TMEM67: variants seen among roughly 807,000 people sequenced by gnomAD.
The protein encoded by TMEM67 is meckelin.
TMEM67 carries 124 observed loss-of-function variants against 136.6 expected under a neutral mutation model. The observed-to-expected ratio is 0.91, with a 90% CI of 0.78 to 1.05. The LOEUF (loss-of-function observed/expected upper bound fraction) is 1.05. Among genes scored for constraint, TMEM67 ranks in the 50% least tolerant of loss-of-function variants. The probability of loss-of-function intolerance (pLI) is 0.00; values close to 1 mark genes in which losing one functional copy is unlikely to be tolerated. For missense variants in TMEM67, 1,107 were observed against 1,178.4 expected, an observed-to-expected ratio of 0.94 and a Z score of 0.89; for synonymous variants, 364 against 390.5, an observed-to-expected ratio of 0.93 and a Z score of 0.80.
chr8:93,821,337 A>AGT (rs1428101071), downstream of TMEM67, among the ~76,000 whole-genome samples: 3 of 152,198 alleles, frequency 2.0e-5, no homozygotes, highest in Non-Finnish European at 4.4e-5. Context: ...GTTTGAGTGC[A>AGT]GTGGCACAAT....
At chr8:93,788,424 G>A (rs1814218193) in intron 14 of TMEM67, among the ~76,000 whole-genome samples, 3 of 152,148 alleles carry the variant, frequency 2.0e-5, no homozygotes, top group South Asian at 2.1e-4. Context: ...TTAGCCAGGC[G>A]TGGTGGCGCA....
intron 6 of TMEM67, among the ~76,000 whole-genome samples, chr8:93,768,294 A>G (rs1360300506): frequency 6.6e-6 from 1 of 151,430 alleles, no homozygotes; most frequent in Non-Finnish European, 1.5e-5. Context: ...ACACACATCT[A>G]TGACTATTTC....
chr8:93,784,698 G>C (rs1814014121), intron 11 of TMEM67, among the ~76,000 whole-genome samples: 1 of 152,182 alleles, frequency 6.6e-6, no homozygotes, highest in Non-Finnish European at 1.5e-5. Context: ...AATCACATTT[G>C]TAATGACAGA....
downstream of TMEM67, among the ~76,000 whole-genome samples, chr8:93,818,545 T>G (rs1017527870): frequency 1.2e-4 from 19 of 152,224 alleles, no homozygotes; most frequent in African/African-American, 3.9e-4. Context: ...GTGTTTTTTT[T>G]GTAAATATTG....
intron 12 of TMEM67, chr8:93,785,692 TC>T: frequency 8.0e-6 from 2 of 249,524 alleles, no homozygotes; most frequent in South Asian, 1.7e-4. Flanking sequence ...CAAATTAGTT[TC>T]TTTTGTTGTT....
At chr8:93,757,359 C>T (rs1189008416) in intron 2 of TMEM67, among the ~76,000 whole-genome samples, 7 of 152,070 alleles carry the variant, frequency 4.6e-5, no homozygotes, top group South Asian at 4.1e-4. Flanking sequence ...TTTACTAGGC[C>T]GGGCGCGGTG....
intron 22 of TMEM67, 25 bp downstream of exon 22, chr8:93,803,709 G>T: frequency 7.8e-7 from 1 of 1,282,648 alleles, no homozygotes; most frequent in African/African-American, 1.5e-5. Flanking sequence ...ACTTCATCTT[G>T]CAACTGTTAC....
intron 11 of TMEM67, among the ~76,000 whole-genome samples, chr8:93,782,844 A>T (rs1230976680): frequency 6.6e-6 from 1 of 151,866 alleles, no homozygotes; most frequent in Non-Finnish European, 1.5e-5. Flanking sequence ...CGAAGTGCTG[A>T]GATTACAGGC....
chr8:93,797,095 T>C (rs765250929), intron 18 of TMEM67, 39 bp from the exon 19 acceptor site: 2 of 1,209,370 alleles, frequency 1.7e-6, no homozygotes, highest in East Asian at 2.3e-5. Flanking sequence ...GACTTAACGC[T>C]GGTACTTTTT....
At chr8:93,809,688 A>G (rs1808618719) in intron 25 of TMEM67, 97 bp from the exon 26 acceptor site, 1 of 734,912 alleles carries the variant, frequency 1.4e-6, no homozygotes, top group East Asian at 2.7e-5. Flanking sequence ...TTTATATACT[A>G]TTCATTTTTC....
Position 93,755,048 on chromosome 8 carries a change from AG to A in TMEM67, c.135del (p.Gln45HisfsTer42). 3 of 1,614,192 alleles carry A rather than the reference AG, an allele frequency of 1.9e-6. No homozygotes were observed. The highest frequency in any genetic ancestry group is 2.5e-6 in the Non-Finnish European group (3 of 1,180,040). ...CAGACCTTCTCTTTCCCTTTCCAGC[AG>A]CCGGAGAAGTGCGACAACAACCAGT... ...QAQTFSFPFQ[Q>X]PEKCDNNQYF... On this transcript the variant is annotated frameshift_variant, in exon 1 of 28. Transcript: ENST00000453321. LOFTEE classifies it high-confidence loss of function.
rs539436464 is a variant in TMEM67, at chr8:93,795,145, A to C, written c.1675-264A>C. 7 of 529,206 alleles carry C rather than the reference A, an allele frequency of 1.3e-5. No individual in the cohort carries two copies. The South Asian group carries it at 1.5e-4, about 12-fold the overall frequency. The allele number at this position is 529,206 out of a possible 1,614,324, so 32.8% of individuals were successfully genotyped here. A position where few individuals can be genotyped will look rare whatever the true frequency, so the allele number is the denominator to read the frequency against. The stretch of plus-strand genomic sequence containing the variant: ...GAGGATTCCCAACTAAGAGAAAATT[A>C]GGAAGCAGTTCAATTTTCTTAGATA... On this transcript the variant is annotated intron_variant, in intron 16 of 27. Transcript: ENST00000453321.
At chr8:93,829,933 C>T in the TMEM67 span, among the ~76,000 whole-genome samples, 6 of 152,118 alleles carry the variant, frequency 3.9e-5, no homozygotes, top group South Asian at 2.1e-4. Context: ...CCTACTTTTC[C>T]GTCTTGGAGC....
At chr8:93,808,418 GAT>G (rs1313938422) in intron 23 of TMEM67, among the ~76,000 whole-genome samples, 2 of 10,434 alleles carry the variant, frequency 1.9e-4, no homozygotes, top group East Asian at 3.0e-3. Context: ...CTCTATTATA[GAT>G]ATATATTTAT....
In TMEM67 at chr8:93,763,823, T is replaced by C; in HGVS notation, c.407-19T>C. 1 of 1,555,722 alleles carries C rather than the reference T, an allele frequency of 6.4e-7. No individual in the cohort carries two copies. The highest frequency in any genetic ancestry group is 8.9e-7 in the Non-Finnish European group (1 of 1,126,958). On this transcript the variant is annotated intron_variant, in intron 3 of 27. Transcript: ENST00000453321. ...GTTTACTATGAGTTACATCTTTATTTTGTTTCTAAACTGTTCAGTGGAAAG... is the reference window on the plus strand; with the variant it reads ...GTTTACTATGAGTTACATCTTTATTCTGTTTCTAAACTGTTCAGTGGAAAG...
At chr8:93,822,441 A>C (rs1324474126), downstream of TMEM67, among the ~76,000 whole-genome samples, 4 of 152,218 alleles carry the variant, frequency 2.6e-5, no homozygotes, top group African/African-American at 9.6e-5. Flanking sequence ...ACTATCCTGA[A>C]TCTTAAAGAC....
chr8:93,790,224 C>T (rs1177718015), intron 14 of TMEM67, among the ~76,000 whole-genome samples: 1 of 152,208 alleles, frequency 6.6e-6, no homozygotes, highest in Non-Finnish European at 1.5e-5. Context: ...TATGTCTCTG[C>T]TCTTTATCTG....
chr8:93,789,871 G>A (rs1260311062), intron 14 of TMEM67, among the ~76,000 whole-genome samples: 1 of 151,442 alleles, frequency 6.6e-6, no homozygotes, highest in East Asian at 2.0e-4. Context: ...AGGAGTTAGA[G>A]ACCAGCCTGG....
chr8:93,762,064 G>A (rs912999488), intron 3 of TMEM67: 2 of 152,090 alleles, frequency 1.3e-5, no homozygotes, highest in African/African-American at 4.8e-5. Context: ...AAACCACCCT[G>A]GCCAACATGG....
Sources: allele counts gnomAD v4.1 joint callset (sites outside exome capture counted in the v4.1 genomes callset), GRCh38; gene constraint gnomAD v4.1.1; transcripts MANE v1.5; gene names NCBI Gene and HGNC (gene_info 2026-07-23, HGNC 2026-07-21).